The following RAPGEF1 variants were observed in gnomAD, a reference collection of about 807,000 sequenced individuals.
RAPGEF1 encodes the protein CRK SH3-binding GNRP.
RAPGEF1 carries 33 observed loss-of-function variants against 143.3 expected under a neutral mutation model. That is an observed-to-expected ratio of 0.23 (90% CI 0.17 to 0.31). The LOEUF (loss-of-function observed/expected upper bound fraction) is 0.31. Ranked by LOEUF, RAPGEF1 falls within the 10% of genes least tolerant of loss-of-function variation. RAPGEF1 has a pLI of 1.00. For missense variants in RAPGEF1, 1,199 were observed against 1,645.4 expected, an observed-to-expected ratio of 0.73 and a Z score of 4.69; for synonymous variants, 629 against 676.5, an observed-to-expected ratio of 0.93 and a Z score of 1.09.
intron 12 of RAPGEF1, among the ~76,000 whole-genome samples, chr9:131,608,899 G>A (rs1161863898): frequency 6.6e-6 from 1 of 152,170 alleles, no homozygotes; most frequent in Non-Finnish European, 1.5e-5. Context: ...AAGGCAGGGC[G>A]GGCCATTCCA....
At position 131,588,114 on chromosome 9, in the gene RAPGEF1, A is replaced by C. The variant is rs551872727; in HGVS notation, c.3054-88T>G. 2.4e-4 allele frequency: 276 copies of C among 1,136,444 alleles called. 1 individual carries two copies. In the African/African-American group the frequency reaches 3.9e-3, roughly 16 times the overall value. 70.4% of individuals were successfully genotyped at this position (1,136,444 alleles called of 1,614,324 possible). On this transcript the variant is annotated intron_variant, in intron 20 of 26. Coordinates refer to ENST00000683357, the MANE Select transcript of RAPGEF1 (RefSeq NM_001377935.1). ...AGGCCCGGGCTGCGGGCGTCAGAGCAGGAGAGCCTCTCTGCCCAGCAGGAG... is the reference window on the plus strand; with the variant it reads ...AGGCCCGGGCTGCGGGCGTCAGAGCCGGAGAGCCTCTCTGCCCAGCAGGAG...
chr9:131,601,229 T>C (rs1956230057), intron 15 of RAPGEF1, among the ~76,000 whole-genome samples: 1 of 146,324 alleles, frequency 6.8e-6, no homozygotes. Context: ...AATGACTAAA[T>C]GCAATGAACA....
intron 1 of RAPGEF1, among the ~76,000 whole-genome samples, chr9:131,658,168 T>C (rs947716783): frequency 6.6e-6 from 1 of 152,218 alleles, no homozygotes; most frequent in Non-Finnish European, 1.5e-5. Context: ...GTAGGGTATA[T>C]GCCACATTGA....
intron 22 of RAPGEF1, among the ~76,000 whole-genome samples, chr9:131,586,523 CAA>C (rs1259350471): frequency 3.7e-5 from 1 of 26,700 alleles, no homozygotes; most frequent in African/African-American, 2.7e-4. Context: ...GAGACTCCGT[CAA>C]ACACACACAC....
intron 1 of RAPGEF1, among the ~76,000 whole-genome samples, chr9:131,708,022 T>C (rs1835206777): frequency 6.6e-6 from 1 of 152,160 alleles, no homozygotes; most frequent in African/African-American, 2.4e-5. Context: ...CAAGGATTGC[T>C]AAGGAGTACC....
chr9:131,682,622 C>G (rs896368839), intron 1 of RAPGEF1, among the ~76,000 whole-genome samples: 1 of 152,184 alleles, frequency 6.6e-6, no homozygotes, highest in Admixed American at 6.5e-5. Flanking sequence ...GTTCCCTGGA[C>G]AGCAGAGCCA....
rs908763144 is a variant in RAPGEF1 at position 131,641,456 on chromosome 9, T to C, written c.494+1783A>G. 2.0e-5 allele frequency among the ~76,000 whole-genome samples: 3 copies of C among 152,188 alleles called. No individual in the cohort carries two copies. Among genetic ancestry groups the C allele is most frequent in the African/African-American group, 7.2e-5 (3 of 41,442 alleles). ...CCTCAGGTCGGGCTCCAGGAACTACTCAGTCAAGAGGCTTCATCAGATCAA... is the reference window on the plus strand; with the variant it reads ...CCTCAGGTCGGGCTCCAGGAACTACCCAGTCAAGAGGCTTCATCAGATCAA... On this transcript the variant is annotated intron_variant, in intron 4 of 26. Coordinates refer to ENST00000683357, the MANE Select transcript of RAPGEF1 (RefSeq NM_001377935.1). This position sits in a 1 kb window ranked among gnomAD's most constrained non-coding sequence, Gnocchi z 4.6.
At chr9:131,627,001 C>CGGAGG (rs1168177128) in intron 9 of RAPGEF1, among the ~76,000 whole-genome samples, 7 of 44,996 alleles carry the variant, frequency 1.6e-4, no homozygotes, top group African/African-American at 9.3e-4. Context: ...GGCAGATCAC[C>CGGAGG]TAGAGTTCAA....
At chr9:131,668,601 T>G (rs545286473) in intron 1 of RAPGEF1, among the ~76,000 whole-genome samples, 110 of 152,242 alleles carry the variant, frequency 7.2e-4, no homozygotes, top group African/African-American at 2.5e-3. Context: ...ACTGCAGCCC[T>G]AGCCGGTGTC....
At chr9:131,737,660 T>C (rs969752216) in intron 1 of RAPGEF1, 5 of 1,289,026 alleles carry the variant, frequency 3.9e-6, no homozygotes, top group Non-Finnish European at 5.1e-6. Flanking sequence ...GACAGGCAAC[T>C]TTTTCCTTTT....
chr9:131,658,278 G>C (rs890996883), intron 1 of RAPGEF1, among the ~76,000 whole-genome samples: 4 of 152,124 alleles, frequency 2.6e-5, no homozygotes, highest in African/African-American at 9.7e-5. Flanking sequence ...TATTCCTCCC[G>C]GCACCTGGGG....
At chr9:131,601,302 G>A (rs1402174654) in intron 15 of RAPGEF1, among the ~76,000 whole-genome samples, 2 of 151,998 alleles carry the variant, frequency 1.3e-5, no homozygotes, top group Non-Finnish European at 2.9e-5. Flanking sequence ...AACATCACAT[G>A]CACACATATG....
intron 16 of RAPGEF1, among the ~76,000 whole-genome samples, chr9:131,597,187 C>T (rs1473263353): frequency 2.6e-5 from 4 of 152,250 alleles, no homozygotes; most frequent in African/African-American, 4.8e-5. Flanking sequence ...CTGCGGTACA[C>T]ACTCCGGGAC....
intron 5 of RAPGEF1, among the ~76,000 whole-genome samples, chr9:131,638,016 T>C (rs1237575023): frequency 6.6e-6 from 1 of 152,228 alleles, no homozygotes; most frequent in African/African-American, 2.4e-5. Context: ...ACCTGGTTCA[T>C]GTCCAACATT....
chr9:131,671,724 G>A (rs1245246780), intron 1 of RAPGEF1, among the ~76,000 whole-genome samples: 2 of 152,184 alleles, frequency 1.3e-5, no homozygotes, highest in Non-Finnish European at 2.9e-5. Context: ...GCAGGATCTG[G>A]CTGTGGAAAG....
chr9:131,675,063 A>G lies in RAPGEF1; in HGVS notation c.62-24114T>C, dbSNP rs1329259443. Reference sequence around the variant, plus strand: ...AGGGAGCAGAGAGAAGGCGAGCGTCATAGCCCTTTCCACAGAGGGTGGTGG... The same window carrying G: ...AGGGAGCAGAGAGAAGGCGAGCGTCGTAGCCCTTTCCACAGAGGGTGGTGG... On this transcript the variant is annotated intron_variant, in intron 1 of 26. Coordinates refer to ENST00000683357, the MANE Select transcript of RAPGEF1 (RefSeq NM_001377935.1). The surrounding 1 kb of genome is among the most constrained non-coding windows in gnomAD (Gnocchi z 4.6). Among the ~76,000 whole-genome samples, 3 of 152,268 alleles carry G rather than the reference A, an allele frequency of 2.0e-5. No homozygotes were observed. Among genetic ancestry groups the G allele is most frequent in the Non-Finnish European group, 4.4e-5 (3 of 68,022 alleles).
At chr9:131,619,332 G>T in intron 11 of RAPGEF1, 126 bp from the exon 12 acceptor site, 1 of 858,864 alleles carries the variant, frequency 1.2e-6, no homozygotes, top group South Asian at 1.7e-5. Flanking sequence ...TTCTGGAGAG[G>T]GATGGCTTCT....
chr9:131,734,019 C>T (rs1171912129), intron 1 of RAPGEF1, among the ~76,000 whole-genome samples: 1 of 152,190 alleles, frequency 6.6e-6, no homozygotes, highest in African/African-American at 2.4e-5. Context: ...TATCTCTCTA[C>T]AGCACTGTTA....
intron 1 of RAPGEF1, among the ~76,000 whole-genome samples, chr9:131,712,052 A>T (rs1835543934): frequency 6.6e-6 from 1 of 152,196 alleles, no homozygotes; most frequent in South Asian, 2.1e-4. Context: ...TTGCAAAATC[A>T]CGGCCTGAGA....
Sources: gnomAD v4.1 joint callset for allele counts (sites outside exome capture counted in the v4.1 genomes callset) on GRCh38, gnomAD v4.1.1 for gene constraint, Gnocchi (gnomAD v3.1) non-coding constraint, MANE v1.5 for transcripts, NCBI Gene and HGNC (gene_info 2026-07-23, HGNC 2026-07-21) for gene names.